The following RPS6KA2 variants were observed in gnomAD, a reference collection of about 807,000 sequenced individuals.
RPS6KA2 encodes the protein ribosomal protein S6 kinase alpha-2.
A neutral mutation model predicts 91.8 loss-of-function variants in RPS6KA2; 42 were observed. The observed-to-expected ratio is 0.46, with a 90% CI of 0.36 to 0.59. The LOEUF (loss-of-function observed/expected upper bound fraction) is 0.59, where lower values mean the gene tolerates loss of function less well. Among genes scored for constraint, RPS6KA2 ranks in the 20% least tolerant of loss-of-function variants. The probability of loss-of-function intolerance (pLI) is 0.00; values close to 1 mark genes in which losing one functional copy is unlikely to be tolerated. For missense variants in RPS6KA2, 798 were observed against 978.5 expected, an observed-to-expected ratio of 0.82 and a Z score of 2.46; for synonymous variants, 414 against 393.6, an observed-to-expected ratio of 1.05 and a Z score of -0.61.
chr6:166,593,158 G>T (rs1785412444), intron 1 of RPS6KA2, among the ~76,000 whole-genome samples: 1 of 152,300 alleles, frequency 6.6e-6, no homozygotes, highest in African/African-American at 2.4e-5. Flanking sequence ...GAATTCAGGG[G>T]CCCTTAAATC....
chr6:166,804,170 T>TAAAA (rs35887397), intron 2 of RPS6KA2, among the ~76,000 whole-genome samples: 2 of 150,406 alleles, frequency 1.3e-5, no homozygotes, highest in South Asian at 4.2e-4. Flanking sequence ...TGTAAATTAG[T>TAAAA]AAAAAAAAAA....
At chr6:166,455,383 G>A (rs1279726087) in intron 12 of RPS6KA2, among the ~76,000 whole-genome samples, 5 of 152,138 alleles carry the variant, frequency 3.3e-5, no homozygotes, top group African/African-American at 7.2e-5. Context: ...CGTCCCACTG[G>A]TGCTCTTCCT....
At chr6:166,671,690 G>A (rs903866711) in intron 2 of RPS6KA2, among the ~76,000 whole-genome samples, 6 of 152,140 alleles carry the variant, frequency 3.9e-5, no homozygotes, top group Non-Finnish European at 7.4e-5. Flanking sequence ...TCTACACAGC[G>A]CAGGGAAAAA....
At chr6:166,855,188 T>C (rs1394632205) in intron 2 of RPS6KA2, among the ~76,000 whole-genome samples, 2 of 152,124 alleles carry the variant, frequency 1.3e-5, no homozygotes, top group African/African-American at 4.8e-5. Context: ...GGTGGGAGCG[T>C]GGGAGTGGGG....
intron 7 of RPS6KA2, among the ~76,000 whole-genome samples, chr6:166,499,561 T>G (rs1018315059): frequency 1.3e-5 from 2 of 152,176 alleles, no homozygotes; most frequent in Admixed American, 6.5e-5. Context: ...ACTCACGAGA[T>G]CTGATGGTTT....
intron 2 of RPS6KA2, among the ~76,000 whole-genome samples, chr6:166,803,799 CTT>C (rs1418195054): frequency 3.3e-5 from 5 of 152,292 alleles, no homozygotes; most frequent in African/African-American, 1.2e-4. Context: ...AAAATTGCCT[CTT>C]AGATATTCCA....
In RPS6KA2 at chr6:166,448,575, T is replaced by C. The variant is rs1186068666; in HGVS notation, c.1332+149A>G. On this transcript the variant is annotated intron_variant, in intron 14 of 20. Coordinates refer to ENST00000265678, the MANE Select transcript of RPS6KA2 (RefSeq NM_021135.6). This position sits in a 1 kb window ranked among gnomAD's most constrained non-coding sequence, Gnocchi z 4.7. ...GAGCACATATGCTGTGCTCCTATGCTCCGTGCTCCCATGTGCTGTACATGC... is the reference window on the plus strand; with the variant it reads ...GAGCACATATGCTGTGCTCCTATGCCCCGTGCTCCCATGTGCTGTACATGC... 1 of 970,560 alleles carries C rather than the reference T, an allele frequency of 1.0e-6. No homozygotes were observed. The highest frequency in any genetic ancestry group is 1.6e-5 in the African/African-American group (1 of 61,238). The allele number at this position is 970,560 out of a possible 1,614,324, so 60.1% of individuals were successfully genotyped here. A position where few individuals can be genotyped will look rare whatever the true frequency, so the allele number is the denominator to read the frequency against.
chr6:166,755,498 T>C (rs967651751), intron 2 of RPS6KA2, among the ~76,000 whole-genome samples: 1 of 151,786 alleles, frequency 6.6e-6, no homozygotes, highest in Non-Finnish European at 1.5e-5. Context: ...ATTTTGCTTG[T>C]TTTGTTTTTA....
At chr6:166,546,181 G>A (rs1048022607) in intron 1 of RPS6KA2, among the ~76,000 whole-genome samples, 9 of 152,192 alleles carry the variant, frequency 5.9e-5, no homozygotes, top group African/African-American at 1.4e-4. Flanking sequence ...GCTACTGACT[G>A]ACATGAGTGT....
chr6:166,622,878 C>A (rs536388189), intron 1 of RPS6KA2, among the ~76,000 whole-genome samples: 1 of 152,190 alleles, frequency 6.6e-6, no homozygotes, highest in Non-Finnish European at 1.5e-5. Flanking sequence ...GACTTGTTTG[C>A]CTCTATTGTT....
At chr6:166,757,481 C>T (rs1192803834) in intron 2 of RPS6KA2, 1 of 455,582 alleles carries the variant, frequency 2.2e-6, no homozygotes, top group Non-Finnish European at 4.4e-6. Context: ...TAAATAAAAA[C>T]TGCCAAGCTC....
chr6:166,457,880 G>A (rs1344360397), intron 12 of RPS6KA2, among the ~76,000 whole-genome samples: 9 of 152,122 alleles, frequency 5.9e-5, no homozygotes, highest in Admixed American at 3.3e-4. Flanking sequence ...TTTGTTTCCC[G>A]ATTATCTTTT....
chr6:166,781,582 T>C (rs1778775199), intron 2 of RPS6KA2, among the ~76,000 whole-genome samples: 1 of 152,076 alleles, frequency 6.6e-6, no homozygotes, highest in Non-Finnish European at 1.5e-5. Flanking sequence ...GTTGGGCAGA[T>C]GTACCTGGAG....
At chr6:166,731,569 T>C (rs1790520427) in intron 2 of RPS6KA2, among the ~76,000 whole-genome samples, 1 of 152,060 alleles carries the variant, frequency 6.6e-6, no homozygotes, top group South Asian at 2.1e-4. Flanking sequence ...TGTAATGACC[T>C]CTAGCTCTCC....
chr6:166,710,506 GTGTGGT>G (rs764207583), intron 2 of RPS6KA2, among the ~76,000 whole-genome samples: 177 of 142,538 alleles, frequency 1.2e-3, no homozygotes, highest in Non-Finnish European at 1.6e-3. Flanking sequence ...GTGTGTGTGT[GTGTGGT>G]GTGTGTGTGT....
intron 2 of RPS6KA2, among the ~76,000 whole-genome samples, chr6:166,690,109 T>TGAGGGGTG (rs1192108451): frequency 6.6e-6 from 1 of 152,132 alleles, no homozygotes; most frequent in Non-Finnish European, 1.5e-5. Flanking sequence ...AGGACCAAGC[T>TGAGGGGTG]GAGGGGTGGA....
At chr6:166,601,472 A>G (rs2032545) in intron 1 of RPS6KA2, among the ~76,000 whole-genome samples, 17,636 of 152,260 alleles carry the variant, frequency 0.12, 1,152 homozygotes, top group East Asian at 0.33. Flanking sequence ...AGAAAACCCG[A>G]TAAGATAAAG....
intron 2 of RPS6KA2, among the ~76,000 whole-genome samples, chr6:166,806,427 T>C (rs1012364687): frequency 1.3e-5 from 2 of 152,188 alleles, no homozygotes; most frequent in African/African-American, 4.8e-5. Flanking sequence ...TATTAGCAGA[T>C]TTCTCATCAA....
intron 2 of RPS6KA2, among the ~76,000 whole-genome samples, chr6:166,794,917 G>A (rs1479395601): frequency 6.6e-6 from 1 of 151,416 alleles, no homozygotes; most frequent in East Asian, 1.9e-4. Context: ...GTTAATGGGT[G>A]CAGCAACACC....
Sources: allele counts gnomAD v4.1 joint callset (sites outside exome capture counted in the v4.1 genomes callset), GRCh38; gene constraint gnomAD v4.1.1; non-coding constraint Gnocchi (gnomAD v3.1); transcripts MANE v1.5; gene names NCBI Gene and HGNC (gene_info 2026-07-23, HGNC 2026-07-21).